The following SPAST variants were observed in gnomAD, a reference collection of about 807,000 sequenced individuals.
SPAST encodes spastic paraplegia 4 (autosomal dominant; spastin).
Under a neutral mutation model 76.6 loss-of-function variants are expected in SPAST, and 30 were observed. The ratio of observed to expected loss-of-function variants is 0.39; its 90% CI spans 0.29 to 0.53. The LOEUF is 0.53. SPAST is among the 20% of genes least tolerant of loss of function. The pLI, the probability that SPAST is intolerant of heterozygous loss-of-function variation, is 0.68. For synonymous variants in SPAST, 305 were observed against 281.0 expected (o/e 1.09, Z -0.86); for missense variants, 717 against 770.5 (o/e 0.93, Z 0.82).
chr2:32,083,184 C>G (rs1269734636), intron 1 of SPAST, among the ~76,000 whole-genome samples: 2 of 152,038 alleles, frequency 1.3e-5, no homozygotes, highest in Admixed American at 1.3e-4. Context: ...GTTGGCCAGG[C>G]TGGTCTTGAA....
At chr2:32,087,995 C>G (rs750386095) in intron 2 of SPAST, among the ~76,000 whole-genome samples, 2 of 152,076 alleles carry the variant, frequency 1.3e-5, no homozygotes, top group Non-Finnish European at 2.9e-5. Context: ...GCTATTTATT[C>G]TCCTGCCTGA....
chr2:32,095,904 G>A (rs1417038294), intron 3 of SPAST, among the ~76,000 whole-genome samples: 1 of 152,068 alleles, frequency 6.6e-6, no homozygotes, highest in Non-Finnish European at 1.5e-5. Flanking sequence ...GATCATGGAT[G>A]GCCTGGTTTG....
At chr2:32,127,296 T>G (rs1679228089) in intron 8 of SPAST, 7 of 416,560 alleles carry the variant, frequency 1.7e-5, no homozygotes, top group South Asian at 1.6e-4. Context: ...TTTTTTATTT[T>G]TGGCAGAGAC....
In SPAST at chr2:32,118,207, T is replaced by A. The variant is rs143783211; in HGVS notation, c.1098+1995T>A. On this transcript the variant is annotated intron_variant, in intron 7 of 16. Transcript: ENST00000315285. Reference sequence around the variant, plus strand: ...CATTATTAAATAAATGTGCAAAGGTTTTATGGCTGTCTCAATTTTTCCATA... The same window carrying A: ...CATTATTAAATAAATGTGCAAAGGTATTATGGCTGTCTCAATTTTTCCATA... Among the ~76,000 whole-genome samples the A allele has an allele frequency of 4.4e-3, 675 of 152,288 alleles. 4 individuals are homozygous for A. The highest frequency in any genetic ancestry group is 0.015 in the African/African-American group (642 of 41,550).
intron 3 of SPAST, among the ~76,000 whole-genome samples, chr2:32,092,576 A>G (rs1677764435): frequency 6.6e-6 from 1 of 152,240 alleles, no homozygotes; most frequent in Non-Finnish European, 1.5e-5. Context: ...AACAAAAAGA[A>G]GATATGTAAT....
chr2:32,100,420 A>G (rs1472781075), intron 4 of SPAST, among the ~76,000 whole-genome samples: 5 of 150,976 alleles, frequency 3.3e-5, no homozygotes, highest in African/African-American at 1.2e-4. Context: ...AGGTTAGGCT[A>G]TAAAACAACT....
intron 16 of SPAST, among the ~76,000 whole-genome samples, chr2:32,154,163 ATATAT>A (rs1217993196): frequency 6.6e-6 from 1 of 152,242 alleles, no homozygotes; most frequent in Non-Finnish European, 1.5e-5. Context: ...CAAGTAATAA[ATATAT>A]TAGTATAGCA....
At chr2:32,064,981 G>T (rs1676451067) in intron 1 of SPAST, among the ~76,000 whole-genome samples, 2 of 151,554 alleles carry the variant, frequency 1.3e-5, no homozygotes, top group Admixed American at 1.3e-4. Context: ...GTTTCTGAAT[G>T]AAAGCAAGGA....
At chr2:32,064,532 G>A (rs184723173) in intron 1 of SPAST, among the ~76,000 whole-genome samples, 41 of 152,330 alleles carry the variant, frequency 2.7e-4, no homozygotes, top group Admixed American at 2.7e-3. Flanking sequence ...ACGTGTTGAT[G>A]ACAGTGACAT....
chr2:32,063,868 T>A lies in SPAST; in HGVS notation c.37T>A (p.Ser13Thr), dbSNP rs781222498. 7.6e-6 allele frequency: 12 copies of A among 1,585,292 alleles called. No homozygotes were observed. The Admixed American group carries it at 1.8e-4, about 24-fold the overall frequency. The part of the protein sequence containing the change: ...SPGGRGKKKG[S>T]GGASNPVPPR... ...GGGTGGACGAGGGAAGAAGAAAGGC[T>A]CCGGCGGCGCCAGCAACCCGGTGCC... Residue 13 changes from serine to threonine, a missense_variant, in exon 1 of 17, where the codon TCC (serine) becomes ACC (threonine). By Grantham distance (58) the Ser-to-Thr change is moderately conservative. Transcript: ENST00000315285.
chr2:32,103,873 T>C (rs1424036409), intron 4 of SPAST, among the ~76,000 whole-genome samples: 1 of 152,020 alleles, frequency 6.6e-6, no homozygotes. Context: ...TGCTGAGGAG[T>C]GCTTTAGTTC....
chr2:32,072,367 G>T (rs1348921565), intron 1 of SPAST, among the ~76,000 whole-genome samples: 1 of 152,100 alleles, frequency 6.6e-6, no homozygotes, highest in African/African-American at 2.4e-5. Flanking sequence ...TTTCTTTCAT[G>T]GCCTGCTATC....
rs1241350087 is a variant in SPAST at position 32,156,667 on chromosome 2, G to A, written c.*2171G>A. On this transcript the variant is annotated 3_prime_UTR_variant, in exon 17 of 17. Coordinates refer to ENST00000315285, the MANE Select transcript of SPAST (RefSeq NM_014946.4). ...CATTGTTTTCATTTAAAAGATTAAC[G>A]TTATTGATACTTGGATAACTGGCTA... 1 of 150,002 alleles carries A rather than the reference G, an allele frequency of 6.7e-6. No individual in the cohort carries two copies. The highest frequency in any genetic ancestry group is 2.5e-5 in the African/African-American group (1 of 40,788). The allele number at this position is 150,002 out of a possible 1,614,324, so 9.3% of individuals were successfully genotyped here.
chr2:32,069,568 C>CT (rs1676665235), intron 1 of SPAST, among the ~76,000 whole-genome samples: 1 of 90,594 alleles, frequency 1.1e-5, no homozygotes, highest in South Asian at 3.9e-4. Context: ...TTTTTTTTTT[C>CT]TTTTTTGAGA....
intron 3 of SPAST, among the ~76,000 whole-genome samples, chr2:32,096,444 G>GA (rs747383287): frequency 1.4e-4 from 22 of 151,774 alleles, no homozygotes; most frequent in Non-Finnish European, 2.9e-4. Context: ...CCAAAAAAAA[G>GA]AAAAAATATT....
chr2:32,137,233 A>G, intron 12 of SPAST, 45 bp downstream of exon 12: 1 of 1,335,258 alleles, frequency 7.5e-7, no homozygotes, highest in Non-Finnish European at 1.1e-6. Context: ...TACAGACAAT[A>G]TTTACTCATG....
At chr2:32,147,646 G>GTTTGTTTGTTTGTTTGT (rs66499406) in intron 16 of SPAST, among the ~76,000 whole-genome samples, 1 of 150,594 alleles carries the variant, frequency 6.6e-6, no homozygotes, top group African/African-American at 2.4e-5. Context: ...TTGTTTGTTT[G>GTTTGTTTGTTTGTTTGT]TTTGAGACGG....
chr2:32,087,194 A>T (rs912641652), intron 1 of SPAST, among the ~76,000 whole-genome samples: 1 of 152,208 alleles, frequency 6.6e-6, no homozygotes, highest in Non-Finnish European at 1.5e-5. Flanking sequence ...ATACTTAAAA[A>T]TTCCTAAATA....
At chr2:32,100,092 T>A (rs144434958) in intron 4 of SPAST, among the ~76,000 whole-genome samples, 2 of 152,260 alleles carry the variant, frequency 1.3e-5, no homozygotes, top group African/African-American at 4.8e-5. Context: ...TCCATACTCT[T>A]CTCCATAGTA....
Sources: gnomAD v4.1 joint callset for allele counts (sites outside exome capture counted in the v4.1 genomes callset) on GRCh38, gnomAD v4.1.1 for gene constraint, MANE v1.5 for transcripts, NCBI Gene and HGNC (gene_info 2026-07-23, HGNC 2026-07-21) for gene names.